Variants in WDR77 observed in about 807,000 individuals in gnomAD.
The protein encoded by WDR77 is WD repeat domain 77, also known as methylosome protein WDR77.
In WDR77, 31 loss-of-function variants were observed where a neutral mutation model predicts 44.0. The ratio of observed to expected loss-of-function variants is 0.70; its 90% CI spans 0.53 to 0.95. WDR77 has a LOEUF of 0.95. WDR77 is among the 40% of genes least tolerant of loss of function. The pLI is 0.00. For missense variants in WDR77, 390 were observed against 423.9 expected (o/e 0.92, Z 0.70); for synonymous variants, 186 against 165.7 (o/e 1.12, Z -0.94).
In WDR77 at chr1:111,447,479, G is replaced by A. The variant is rs765327670; in HGVS notation, c.399C>T (p.Val133=). ...EHDDIVSTVS[V]LSSGTQAVSG... is the part of the protein sequence containing the mutation. ...TGACAGCTTGTGTGCCAGAGCTCAA[G>A]ACACTGACTGTAGACACAATGTCAT... Residue 133 remains valine, a synonymous_variant, in exon 3 of 10, where the codon GTC becomes GTT. Coordinates refer to ENST00000235090, the MANE Select transcript of WDR77 (RefSeq NM_024102.4). The A allele has an allele frequency of 2.0e-5, 33 of 1,614,090 alleles. No homozygotes were observed. Among genetic ancestry groups the A allele is most frequent in the Non-Finnish European group, 2.6e-5 (31 of 1,180,042 alleles).
At position 111,442,726 on chromosome 1, in the gene WDR77, T is replaced by TG; in HGVS notation, c.726dup (p.Lys243GlnfsTer34). 1 of 1,600,418 alleles carries TG rather than the reference T, an allele frequency of 6.2e-7. No individual in the cohort carries two copies. The highest frequency in any genetic ancestry group is 8.5e-7 in the Non-Finnish European group (1 of 1,170,344). On this transcript the variant is annotated frameshift_variant, in exon 8 of 10. Transcript: ENST00000235090. LOFTEE classifies it high-confidence loss of function. Reference sequence around the variant, plus strand: ...GAGCTCAGGACACAGCTTGTACTCTTGGTGTCCACAAGGGAGACTGTCCCA... The same window carrying TG: ...GAGCTCAGGACACAGCTTGTACTCTTGGGTGTCCACAAGGGAGACTGTCCCA...
chr1:111,441,945 C>A, intron 9 of WDR77, 80 bp downstream of exon 9: 1 of 1,337,668 alleles, frequency 7.5e-7, no homozygotes. Flanking sequence ...AAGCACAACA[C>A]AGTTTTCTGA....
rs948496214 is a variant in WDR77 at position 111,449,152 on chromosome 1, T to G, written c.18A>C (p.Pro6=). MRKET[P]PPLVPPAARE... is the part of the protein sequence containing the mutation. Reference sequence around the variant, plus strand: ...GGGCCGCCGGGGGCACTAGGGGGGGTGGGGTTTCCTTCCGCATCTCCACGG... The same window carrying G: ...GGGCCGCCGGGGGCACTAGGGGGGGGGGGGTTTCCTTCCGCATCTCCACGG... Residue 6 remains proline, a synonymous_variant, in exon 1 of 10, where the codon CCA becomes CCC. Coordinates refer to ENST00000235090, the MANE Select transcript of WDR77 (RefSeq NM_024102.4). 5.7e-5 allele frequency: 89 copies of G among 1,550,988 alleles called. No individual in the cohort carries two copies. The highest frequency in any genetic ancestry group is 1.7e-4 in the Middle Eastern group (1 of 5,904).
chr1:111,445,021 G>A (rs937117246), intron 4 of WDR77, among the ~76,000 whole-genome samples: 2 of 152,156 alleles, frequency 1.3e-5, no homozygotes, highest in Non-Finnish European at 2.9e-5. Context: ...GTTAACCTGC[G>A]AATCTAAAAT....
chr1:111,442,790 G>T (rs750106554), intron 7 of WDR77, 29 bp from the exon 8 acceptor site: 20 of 1,461,334 alleles, frequency 1.4e-5, no homozygotes, highest in Non-Finnish European at 1.8e-5. Context: ...ATGTCATAGT[G>T]ATTAAGAGCA....
At chr1:111,444,282 A>G (rs1167645962) in intron 4 of WDR77, among the ~76,000 whole-genome samples, 158 bp from the exon 5 acceptor site, 2 of 152,176 alleles carry the variant, frequency 1.3e-5, no homozygotes, top group African/African-American at 4.8e-5. Flanking sequence ...ACAAAAGCTA[A>G]GAGGAGAAGT....
At chr1:111,446,979 T>G in intron 4 of WDR77, 116 bp downstream of exon 4, 1 of 1,052,982 alleles carries the variant, frequency 9.5e-7, no homozygotes, top group Non-Finnish European at 1.4e-6. Context: ...GCCTGACTAT[T>G]GTTTTACAAG....
At position 111,441,407 on chromosome 1, in the gene WDR77, A is replaced by C. The variant is rs200136605; in HGVS notation, c.870-18T>G. The C allele has an allele frequency of 6.7e-7, 1 of 1,483,328 alleles. No homozygotes were observed. The highest frequency in any genetic ancestry group is 9.0e-7 in the Non-Finnish European group (1 of 1,110,778). 91.9% of individuals were successfully genotyped at this position (1,483,328 alleles called of 1,614,324 possible). On this transcript the variant is annotated intron_variant, in intron 9 of 9. Transcript: ENST00000235090. ...TTCTAAACCTAGAAGAAAGAAAAAA[A>C]GTCGGGGCAGAGTAGAGACAAGAAA...
At chr1:111,442,127 A>T in intron 8 of WDR77, 34 bp from the exon 9 acceptor site, 1 of 1,603,882 alleles carries the variant, frequency 6.2e-7, no homozygotes, top group Non-Finnish European at 8.5e-7. Flanking sequence ...TGAAAGGTCC[A>T]GCCTGGATCC....
Position 111,443,923 on chromosome 1 carries a change from T to C in WDR77, c.565-2A>G. On this transcript the variant is annotated splice_acceptor_variant, in intron 5 of 9. Coordinates refer to ENST00000235090, the MANE Select transcript of WDR77 (RefSeq NM_024102.4). LOFTEE classifies it high-confidence loss of function. ...ATCCCAGAGTAAAATTCTATTGTCCTAGAGGAAGGTGGAACAGAAAAAGGA... is the reference window on the plus strand; with the variant it reads ...ATCCCAGAGTAAAATTCTATTGTCCCAGAGGAAGGTGGAACAGAAAAAGGA... 1 of 1,614,150 alleles carries C rather than the reference T, an allele frequency of 6.2e-7. No homozygotes were observed. Among genetic ancestry groups the C allele is most frequent in the Non-Finnish European group, 8.5e-7 (1 of 1,180,030 alleles).
chr1:111,449,146 G>T lies in WDR77; in HGVS notation c.24C>A (p.Pro8=), dbSNP rs11548427. The T allele has an allele frequency of 2.6e-5, 42 of 1,591,058 alleles. No individual in the cohort carries two copies. The highest frequency in any genetic ancestry group is 1.5e-4 in the Admixed American group (9 of 58,526). Residue 8 remains proline (P), a synonymous_variant, in exon 1 of 10, where the codon CCC becomes CCA. Transcript: ENST00000235090. MRKETPP[P]LVPPAAREWN... The stretch of plus-strand genomic sequence containing the variant: ...ACTCCCGGGCCGCCGGGGGCACTAG[G>T]GGGGGTGGGGTTTCCTTCCGCATCT...
intron 2 of WDR77, 152 bp from the exon 3 acceptor site, chr1:111,447,728 A>C: frequency 2.2e-6 from 2 of 907,540 alleles, no homozygotes; most frequent in Non-Finnish European, 3.4e-6. Context: ...AGTTCAGCTA[A>C]TTTCTGAGTC....
Position 111,441,361 on chromosome 1 carries a change from C to G in WDR77, c.898G>C (p.Val300Leu). 7 of 1,557,118 alleles carry G rather than the reference C, an allele frequency of 4.5e-6. No individual in the cohort carries two copies. The highest frequency in any genetic ancestry group is 6.1e-6 in the Non-Finnish European group (7 of 1,147,942). ...AGCGGGGACCAAGTCGCATCTCTCA[C>G]AAAGTCTCTGTGGGCTTGGCTTCTA... ...LFRSQAHRDF[V>L]RDATWSPLNH... The change falls in exon 10 of 10, where the codon GTG becomes CTG. Residue 300 changes from valine (V) to leucine (L), a missense_variant. Val to Leu is a conservative substitution (Grantham distance 32). Coordinates refer to ENST00000235090, the MANE Select transcript of WDR77 (RefSeq NM_024102.4).
intron 7 of WDR77, 44 bp from the exon 8 acceptor site, chr1:111,442,805 C>T: frequency 7.3e-7 from 1 of 1,371,156 alleles, no homozygotes. Context: ...AGAGCATGGA[C>T]TTTTGTGCCA....
At chr1:111,441,925 T>C (rs1187931629) in intron 9 of WDR77, 100 bp downstream of exon 9, 4 of 1,157,930 alleles carry the variant, frequency 3.5e-6, no homozygotes, top group Non-Finnish European at 3.8e-6. Context: ...ATGGAGAATC[T>C]GTTCTCCAAA....
At position 111,440,961 on chromosome 1, in the gene WDR77, T is replaced by A. The variant is rs1460611080; in HGVS notation, c.*269A>T. 2 of 242,038 alleles carry A rather than the reference T, an allele frequency of 8.3e-6. No homozygotes were observed. The highest frequency in any genetic ancestry group is 4.5e-5 in the African/African-American group (2 of 44,514). The allele number at this position is 242,038 out of a possible 1,614,324, so 15.0% of individuals were successfully genotyped here. ...GTGCTTAGGGAAGATGTAGGATGGA[T>A]TTTTTTTATTCCTGCCACTACCAAA... On this transcript the variant is annotated 3_prime_UTR_variant, in exon 10 of 10. Coordinates refer to ENST00000235090, the MANE Select transcript of WDR77 (RefSeq NM_024102.4).
Position 111,442,042 on chromosome 1 carries a change from G to C in WDR77, c.852C>G (p.Asp284Glu). 1 of 1,614,150 alleles carries C rather than the reference G, an allele frequency of 6.2e-7. No individual in the cohort carries two copies. The highest frequency in any genetic ancestry group is 1.1e-5 in the South Asian group (1 of 91,084). ...LSEDCSLAVL[D>E]SSLSELFRSQ... is the part of the protein sequence containing the mutation. ...ACACTTACAACTCAGAAAGGCTTGAGTCCAGCACAGCAAGTGAGCAGTCTT... is the reference window on the plus strand; with the variant it reads ...ACACTTACAACTCAGAAAGGCTTGACTCCAGCACAGCAAGTGAGCAGTCTT... The change falls in exon 9 of 10, where the codon GAC (aspartate) becomes GAG (glutamate). Residue 284 changes from aspartate to glutamate, a missense_variant. Physicochemically the swap from Asp to Glu is conservative, Grantham distance 45. Transcript: ENST00000235090.
At chr1:111,448,080 CTTGA>C (rs1421804136) in intron 2 of WDR77, among the ~76,000 whole-genome samples, 1 of 152,016 alleles carries the variant, frequency 6.6e-6, no homozygotes, top group Non-Finnish European at 1.5e-5. Flanking sequence ...CAAAAGTTGT[CTTGA>C]TTATGTAGTG....
intron 6 of WDR77, 193 bp from the exon 7 acceptor site, chr1:111,443,587 C>G (rs1287875699): frequency 1.1e-6 from 1 of 941,878 alleles, no homozygotes; most frequent in Admixed American, 6.2e-5. Context: ...ACACGAGTCA[C>G]AGGCAAGTTT....
Sources: gnomAD v4.1 joint callset for allele counts (sites outside exome capture counted in the v4.1 genomes callset) on GRCh38, gnomAD v4.1.1 for gene constraint, MANE v1.5 for transcripts, NCBI Gene and HGNC (gene_info 2026-07-23, HGNC 2026-07-21) for gene names.